Variants in DCDC1 observed in about 807,000 individuals in gnomAD.
DCDC1 encodes the protein doublecortin domain-containing protein 1.
In DCDC1, 200 loss-of-function variants were observed where a neutral mutation model predicts 178.3. The observed-to-expected ratio is 1.12, with a 90% CI of 1.00 to 1.26. DCDC1 has a LOEUF of 1.26. Among genes scored for constraint, DCDC1 ranks in the 50% most tolerant of loss-of-function variants. The probability of loss-of-function intolerance (pLI) is 0.00; values close to 1 mark genes in which losing one functional copy is unlikely to be tolerated. For synonymous variants in DCDC1, 690 were observed against 604.8 expected, an observed-to-expected ratio of 1.14 and a Z score of -2.07; for missense variants, 1,983 against 1,749.2, an observed-to-expected ratio of 1.13 and a Z score of -2.38.
At chr11:31,291,463 G>C (rs1177528931) in intron 6 of DCDC1, among the ~76,000 whole-genome samples, 1 of 152,002 alleles carries the variant, frequency 6.6e-6, no homozygotes, top group African/African-American at 2.4e-5. Context: ...CATTTTCAAA[G>C]CTGTGTGCAG....
At chr11:30,926,260 A>G (rs1946584167) in intron 22 of DCDC1, among the ~76,000 whole-genome samples, 1 of 152,220 alleles carries the variant, frequency 6.6e-6, no homozygotes, top group Admixed American at 6.5e-5. Context: ...ACTGGAGCTG[A>G]GTGTATGGAC....
chr11:31,030,848 T>G (rs1953576174), intron 20 of DCDC1, among the ~76,000 whole-genome samples: 1 of 123,442 alleles, frequency 8.1e-6, no homozygotes, highest in Non-Finnish European at 1.7e-5. Context: ...AATTGTATAT[T>G]TCCCAGGGCA....
At chr11:31,062,585 C>T (rs1349044678) in intron 20 of DCDC1, among the ~76,000 whole-genome samples, 1 of 152,028 alleles carries the variant, frequency 6.6e-6, no homozygotes, top group African/African-American at 2.4e-5. Context: ...TATTATGATA[C>T]AGCAAGGTAC....
At chr11:30,975,077 T>A (rs1291923886) in intron 20 of DCDC1, among the ~76,000 whole-genome samples, 1 of 151,940 alleles carries the variant, frequency 6.6e-6, no homozygotes, top group Non-Finnish European at 1.5e-5. Context: ...CATGCACAAA[T>A]CAATAAATTT....
At chr11:30,927,046 T>C (rs1419305494) in intron 22 of DCDC1, among the ~76,000 whole-genome samples, 1 of 152,110 alleles carries the variant, frequency 6.6e-6, no homozygotes, top group Non-Finnish European at 1.5e-5. Context: ...TCTACACTCT[T>C]TCAGTTCTTT....
intron 9 of DCDC1, among the ~76,000 whole-genome samples, chr11:31,187,403 G>T (rs1969632378): frequency 6.6e-6 from 1 of 152,036 alleles, no homozygotes; most frequent in Non-Finnish European, 1.5e-5. Flanking sequence ...TTAATAAATT[G>T]GAAAGCACTG....
At chr11:30,896,691 T>C (rs1481082477) in intron 34 of DCDC1, among the ~76,000 whole-genome samples, 1 of 152,244 alleles carries the variant, frequency 6.6e-6, no homozygotes, top group Non-Finnish European at 1.5e-5. Flanking sequence ...ATCAGTTTTA[T>C]AACCCCAAGT....
chr11:30,906,050 C>A (rs537570288), intron 30 of DCDC1, among the ~76,000 whole-genome samples: 1 of 151,988 alleles, frequency 6.6e-6, no homozygotes, highest in African/African-American at 2.4e-5. Flanking sequence ...TATAGGAAAG[C>A]GGTAAGAGTT....
chr11:31,106,838 C>A lies in DCDC1; in HGVS notation c.1710G>T (p.Lys570Asn), dbSNP rs764131540. The A allele has an allele frequency of 3.9e-6, 3 of 766,116 alleles. No individual in the cohort carries two copies. In the South Asian group the frequency reaches 4.0e-5, roughly 10 times the overall value. 47.5% of individuals were successfully genotyped at this position (766,116 alleles called of 1,614,324 possible). ...AAGAGACCCAAATTTTTTGCTCATT[C>A]TTCAGCGAAAGTGGATTCTTAATTT... ...GQEIKNPLSL[K>N]NEQKIWVSYG... The change falls in exon 13 of 39, where the codon AAG (lysine) becomes AAT (asparagine). Residue 570 changes from lysine (K) to asparagine (N), a missense_variant. By Grantham distance (94) the Lys-to-Asn change is moderately conservative. Transcript: ENST00000684477.
chr11:30,978,703 A>G (rs918431843), intron 20 of DCDC1, among the ~76,000 whole-genome samples: 1 of 151,008 alleles, frequency 6.6e-6, no homozygotes, highest in African/African-American at 2.4e-5. Flanking sequence ...GTGCTATAGA[A>G]CGTTAGAACT....
intron 2 of DCDC1, among the ~76,000 whole-genome samples, chr11:31,332,006 T>TCA (rs1950017831): frequency 6.6e-6 from 1 of 152,186 alleles, no homozygotes; most frequent in South Asian, 2.1e-4. Context: ...ATCCATCTGG[T>TCA]CCTGAACTTT....
At chr11:31,355,298 T>A (rs1028792526) in intron 1 of DCDC1, among the ~76,000 whole-genome samples, 1 of 152,032 alleles carries the variant, frequency 6.6e-6, no homozygotes, top group African/African-American at 2.4e-5. Context: ...GCTGACTACA[T>A]GAGAAGGCTG....
Position 30,900,445 on chromosome 11 carries a change from C to T in DCDC1, c.4564G>A (p.Asp1522Asn), listed in dbSNP as rs1013095281. Residue 1522 changes from aspartate (D) to asparagine (N), a missense_variant, in exon 33 of 39, where the codon GAT (aspartate) becomes AAT (asparagine). Physicochemically the swap from Asp to Asn is conservative, Grantham distance 23. Transcript: ENST00000684477. ...GACTTGTCTATACCATCCAAACTAT[C>T]GGATGTCACAGATTTTGCAAATAAT... Reference protein sequence around the residue: ...NRLFAKSVTSDSLDGIDKSLL... With the variant: ...NRLFAKSVTSNSLDGIDKSLL... 5.1e-6 allele frequency: 8 copies of T among 1,558,384 alleles called. No individual in the cohort carries two copies. The highest frequency in any genetic ancestry group is 1.4e-5 in the African/African-American group (1 of 73,572).
Position 30,892,862 on chromosome 11 carries a change from T to C in DCDC1, c.5038A>G (p.Arg1680Gly). The C allele has an allele frequency of 1.2e-6, 2 of 1,613,948 alleles. No homozygotes were observed. The highest frequency in any genetic ancestry group is 8.5e-7 in the Non-Finnish European group (1 of 1,179,824). The change falls in exon 36 of 39, where the codon AGA (arginine) becomes GGA (glycine). Residue 1680 changes from arginine (R) to glycine (G), a missense_variant. By Grantham distance (125) the Arg-to-Gly change is moderately radical. Coordinates refer to ENST00000684477, the MANE Select transcript of DCDC1 (RefSeq NM_001387274.1). ...CAGGCATAAGTGCCATCTTCAGGTC[T>C]GCCTCCATTTAGATAAATCCACACT... Reference protein sequence around the residue: ...KRVWIYLNGGRPEDGTYAWGK... With the variant: ...KRVWIYLNGGGPEDGTYAWGK...
chr11:31,248,354 C>T (rs1379802300), intron 8 of DCDC1, among the ~76,000 whole-genome samples: 1 of 151,952 alleles, frequency 6.6e-6, no homozygotes, highest in Non-Finnish European at 1.5e-5. Flanking sequence ...ATCAATTACA[C>T]AAAGCACTTA....
intron 8 of DCDC1, among the ~76,000 whole-genome samples, chr11:31,242,428 C>G (rs1977272859): frequency 6.6e-6 from 1 of 151,828 alleles, no homozygotes; most frequent in South Asian, 2.1e-4. Context: ...TAATTTTCCT[C>G]TGAAAAGCCA....
At chr11:31,336,569 A>G (rs1391606959) in intron 1 of DCDC1, among the ~76,000 whole-genome samples, 1 of 152,194 alleles carries the variant, frequency 6.6e-6, no homozygotes, top group Non-Finnish European at 1.5e-5. Flanking sequence ...GAATTCACCA[A>G]ATGCATTGAA....
intron 1 of DCDC1, among the ~76,000 whole-genome samples, chr11:31,356,699 T>A: frequency 6.8e-6 from 1 of 147,512 alleles, no homozygotes; most frequent in African/African-American, 2.5e-5. Flanking sequence ...GCAAGACTAA[T>A]AAAGAAAAAA....
Position 31,084,933 on chromosome 11 carries a change from C to T in DCDC1, c.2237+6460G>A, listed in dbSNP as rs77575202. Among the ~76,000 whole-genome samples, 174 of 150,300 alleles carry T rather than the reference C, an allele frequency of 1.2e-3. 1 individual carries two copies. The highest frequency in any genetic ancestry group is 3.5e-3 in the Middle Eastern group (1 of 282). On this transcript the variant is annotated intron_variant, in intron 17 of 38. Transcript: ENST00000684477. Reference sequence around the variant, plus strand: ...TGGGCTTAGCCTCAATGGGCTAAGACCAGATCAGCTGATGAGATGTTGCAG... The same window carrying T: ...TGGGCTTAGCCTCAATGGGCTAAGATCAGATCAGCTGATGAGATGTTGCAG...
Sources: allele counts gnomAD v4.1 joint callset (sites outside exome capture counted in the v4.1 genomes callset), GRCh38; gene constraint gnomAD v4.1.1; transcripts MANE v1.5; gene names NCBI Gene and HGNC (gene_info 2026-07-23, HGNC 2026-07-21).